MBNL1: variants seen among roughly 807,000 people sequenced by gnomAD.
MBNL1 encodes muscleblind like splicing regulator 1, also known as muscleblind-like protein 1.
A neutral mutation model predicts 42.2 loss-of-function variants in MBNL1; 8 were observed. That is an observed-to-expected ratio of 0.19 (90% CI 0.11 to 0.34). The LOEUF is 0.34. Ranked by LOEUF, MBNL1 falls within the 10% of genes least tolerant of loss-of-function variation. The pLI is 1.00. For missense variants in MBNL1, 309 were observed against 495.3 expected, an observed-to-expected ratio of 0.62 and a Z score of 3.57; for synonymous variants, 169 against 173.9, an observed-to-expected ratio of 0.97 and a Z score of 0.22.
At chr3:152,416,993 G>A (rs938246826) in intron 3 of MBNL1, among the ~76,000 whole-genome samples, 2 of 152,218 alleles carry the variant, frequency 1.3e-5, no homozygotes, top group Non-Finnish European at 2.9e-5. Flanking sequence ...AGATTTGAAT[G>A]TGGAATTACC....
intron 2 of MBNL1, among the ~76,000 whole-genome samples, chr3:152,249,530 A>G (rs1246026979): frequency 8.3e-6 from 1 of 121,180 alleles, no homozygotes; most frequent in East Asian, 2.5e-4. Flanking sequence ...CCTTTGTCAG[A>G]TGAGTAGGTT....
intron 8 of MBNL1, 143 bp downstream of exon 8, chr3:152,456,504 G>T: frequency 1.5e-6 from 1 of 664,724 alleles, no homozygotes; most frequent in Non-Finnish European, 2.8e-6. Context: ...AATAAGCATG[G>T]GGTTTCAAAG....
chr3:152,338,116 A>G lies in MBNL1; in HGVS notation c.174+37749A>G, dbSNP rs1237621137. 4.1e-6 allele frequency: 4 copies of G among 981,530 alleles called. No homozygotes were observed. The African/African-American group carries it at 7.0e-5, about 17-fold the overall frequency. The allele number at this position is 981,530 out of a possible 1,614,324, so 60.8% of individuals were successfully genotyped here. A position where few individuals can be genotyped will look rare whatever the true frequency, so the allele number is the denominator to read the frequency against. Reference sequence around the variant, plus strand: ...ATATGTATTCCTTACTTTTCTTTCTAGAACTAAATCTCCATACCCACTTCA... The same window carrying G: ...ATATGTATTCCTTACTTTTCTTTCTGGAACTAAATCTCCATACCCACTTCA... On this transcript the variant is annotated intron_variant, in intron 2 of 9. Coordinates refer to ENST00000324210, the MANE Select transcript of MBNL1 (RefSeq NM_021038.5).
At chr3:152,453,066 A>G (rs1483123130) in intron 6 of MBNL1, among the ~76,000 whole-genome samples, 3 of 151,700 alleles carry the variant, frequency 2.0e-5, no homozygotes, top group Non-Finnish European at 4.4e-5. Flanking sequence ...TAATAAAAAT[A>G]AAGAAGGTAC....
At chr3:152,412,772 CCA>C (rs2098614948) in intron 2 of MBNL1, among the ~76,000 whole-genome samples, 1 of 152,044 alleles carries the variant, frequency 6.6e-6, no homozygotes, top group Non-Finnish European at 1.5e-5. Context: ...CTTAGGAAGA[CCA>C]CAGTTAGTGT....
At chr3:152,417,201 G>GTCT (rs2098716137) in intron 3 of MBNL1, among the ~76,000 whole-genome samples, 1 of 150,754 alleles carries the variant, frequency 6.6e-6, no homozygotes, top group East Asian at 1.9e-4. Context: ...TTTGTAGTCA[G>GTCT]CCCTGTTTTG....
At chr3:152,450,105 A>G (rs1719237745) in intron 6 of MBNL1, among the ~76,000 whole-genome samples, 1 of 150,938 alleles carries the variant, frequency 6.6e-6, no homozygotes, top group African/African-American at 2.4e-5. Flanking sequence ...CATCTCAAAA[A>G]AAAAAAAAAA....
intron 2 of MBNL1, among the ~76,000 whole-genome samples, chr3:152,359,456 G>A (rs2095783663): frequency 6.6e-6 from 1 of 152,178 alleles, no homozygotes; most frequent in African/African-American, 2.4e-5. Flanking sequence ...TTATGGGGGT[G>A]GGGAAGGAGA....
chr3:152,332,739 T>TGTGCGTGC (rs1256022678), intron 2 of MBNL1, among the ~76,000 whole-genome samples: 5 of 115,646 alleles, frequency 4.3e-5, no homozygotes, highest in African/African-American at 1.7e-4. Flanking sequence ...TGTGTGTGTG[T>TGTGCGTGC]GCGCGCGCGC....
At chr3:152,298,771 A>G (rs902244321) in intron 1 of MBNL1, among the ~76,000 whole-genome samples, 2 of 152,164 alleles carry the variant, frequency 1.3e-5, no homozygotes, top group African/African-American at 4.8e-5. Flanking sequence ...AGGAGAATGT[A>G]CCATTTGTAA....
intron 2 of MBNL1, among the ~76,000 whole-genome samples, chr3:152,248,124 T>G (rs933579036): frequency 3.3e-5 from 5 of 152,076 alleles, no homozygotes; most frequent in African/African-American, 1.2e-4. Context: ...AGTAAAATTT[T>G]TAAAAGTGTA....
intron 2 of MBNL1, among the ~76,000 whole-genome samples, chr3:152,365,441 A>C (rs1204409842): frequency 6.6e-6 from 1 of 152,158 alleles, no homozygotes; most frequent in Non-Finnish European, 1.5e-5. Flanking sequence ...TTCTGTCTAA[A>C]GTCTCAAAGA....
intron 2 of MBNL1, among the ~76,000 whole-genome samples, chr3:152,259,040 T>G (rs2035861881): frequency 6.6e-6 from 1 of 152,228 alleles, no homozygotes; most frequent in Non-Finnish European, 1.5e-5. Context: ...GGAAAAACTG[T>G]CCTGGCTAAG....
intron 8 of MBNL1, chr3:152,458,330 T>A (rs1044799118): frequency 7.3e-6 from 5 of 686,880 alleles, no homozygotes; most frequent in Non-Finnish European, 1.2e-5. Context: ...TGGATTGTAG[T>A]ATGTTGAATT....
chr3:152,272,514 A>G (rs538638862), intron 1 of MBNL1, among the ~76,000 whole-genome samples: 20 of 152,244 alleles, frequency 1.3e-4, no homozygotes, highest in African/African-American at 4.3e-4. Flanking sequence ...ATTTTAGTAA[A>G]TAGCAATTAT....
intron 3 of MBNL1, 101 bp downstream of exon 3, chr3:152,415,212 C>A (rs1240809521): frequency 1.1e-5 from 12 of 1,131,822 alleles, no homozygotes; most frequent in South Asian, 2.2e-5. Context: ...ACACAGGCAA[C>A]AATTTCAGTT....
At chr3:152,385,142 G>C (rs368630584) in intron 2 of MBNL1, among the ~76,000 whole-genome samples, 4 of 151,992 alleles carry the variant, frequency 2.6e-5, no homozygotes, top group African/African-American at 9.7e-5. Context: ...TAATTTGAAA[G>C]ACAAATGGCT....
At chr3:152,243,807 T>C (rs972827409), upstream of MBNL1, 5 of 152,134 alleles carry the variant, frequency 3.3e-5, no homozygotes, top group African/African-American at 1.2e-4. Flanking sequence ...GTTTCTTTTC[T>C]TTTCTTTTCT....
chr3:152,418,702 G>A (rs1293310152), intron 3 of MBNL1, among the ~76,000 whole-genome samples: 5 of 148,936 alleles, frequency 3.4e-5, no homozygotes, highest in Admixed American at 1.3e-4. Flanking sequence ...TTACCTACAA[G>A]GTCTTAACAA....
Sources: allele counts gnomAD v4.1 joint callset (sites outside exome capture counted in the v4.1 genomes callset), GRCh38; gene constraint gnomAD v4.1.1; transcripts MANE v1.5; gene names NCBI Gene and HGNC (gene_info 2026-07-23, HGNC 2026-07-21).